Variants in PDPK1 observed in about 807,000 individuals in gnomAD.
PDPK1 encodes the protein 3-phosphoinositide-dependent protein kinase 1.
A neutral mutation model predicts 39.8 loss-of-function variants in PDPK1; 7 were observed. The observed-to-expected ratio is 0.18, with a 90% CI of 0.10 to 0.33. The LOEUF (loss-of-function observed/expected upper bound fraction) is 0.33. PDPK1 is among the 10% of genes least tolerant of loss of function. The pLI is 1.00. For missense variants in PDPK1, 182 were observed against 384.7 expected (o/e 0.47, Z 4.41); for synonymous variants, 118 against 159.1 (o/e 0.74, Z 1.95).
chr16:2,545,831 G>T (rs1260448531), intron 1 of PDPK1, among the ~76,000 whole-genome samples: 2 of 151,900 alleles, frequency 1.3e-5, no homozygotes, highest in African/African-American at 4.8e-5. Flanking sequence ...GTACAGATGG[G>T]GTCTCGCTTT....
At chr16:2,576,329 CT>C in intron 6 of PDPK1, 1 of 148,256 alleles carries the variant, frequency 6.7e-6, no homozygotes, top group South Asian at 2.1e-4. Context: ...GGTTGAATGG[CT>C]TCGTTTGTTT....
intron 11 of PDPK1, among the ~76,000 whole-genome samples, chr16:2,589,300 TCTTA>T (rs1211748835): frequency 5.0e-4 from 76 of 152,282 alleles, no homozygotes; most frequent in Non-Finnish European, 8.2e-4. Flanking sequence ...TCTACTGAGC[TCTTA>T]CTATCTCTTC....
At position 2,597,698 on chromosome 16, in the gene PDPK1, G is replaced by C; in HGVS notation, c.1602G>C (p.Lys534Asn). Residue 534 changes from lysine (K) to asparagine (N), a missense_variant, in exon 14 of 14, where the codon AAG becomes AAC. Lys to Asn is a moderately conservative substitution (Grantham distance 94). This residue lies in a region of PDPK1 where 67 missense variants were observed against 87.8 expected (regional missense o/e 0.76). Transcript: ENST00000342085. The surrounding 1 kb of genome is among the most constrained non-coding windows in gnomAD (Gnocchi z 6.3). ...YLMDPSGNAH[K>N]WCRKIQEVWR... ...TGGACCCCAGCGGGAACGCACACAA[G>C]TGGTGCAGGAAGATCCAGGAGGTTT... 1 of 1,613,862 alleles carries C rather than the reference G, an allele frequency of 6.2e-7. No homozygotes were observed. Among genetic ancestry groups the C allele is most frequent in the Non-Finnish European group, 8.5e-7 (1 of 1,179,934 alleles).
At chr16:2,578,285 C>T (rs1163224396) in intron 7 of PDPK1, 31 of 148,760 alleles carry the variant, frequency 2.1e-4, no homozygotes, top group Non-Finnish European at 3.7e-4. Flanking sequence ...ACAGCTGGGT[C>T]TTGGTGGCAG....
intron 1 of PDPK1, among the ~76,000 whole-genome samples, chr16:2,556,388 A>C (rs1331821846): frequency 7.9e-6 from 1 of 126,178 alleles, no homozygotes. Context: ...TTTTGAGACG[A>C]AATTTCACTC....
At position 2,597,831 on chromosome 16, in the gene PDPK1, A is replaced by G; in HGVS notation, c.*64A>G. 9.0e-7 allele frequency: 1 copy of G among 1,106,914 alleles called. No homozygotes were observed. Among genetic ancestry groups the G allele is most frequent in the Non-Finnish European group, 1.4e-6 (1 of 732,376 alleles). The allele number at this position is 1,106,914 out of a possible 1,614,324, so 68.6% of individuals were successfully genotyped here. On this transcript the variant is annotated 3_prime_UTR_variant, in exon 14 of 14. Coordinates refer to ENST00000342085, the MANE Select transcript of PDPK1 (RefSeq NM_002613.5). The surrounding 1 kb of genome is among the most constrained non-coding windows in gnomAD (Gnocchi z 6.3). Reference sequence around the variant, plus strand: ...CCTGCCCCAGCGCGGCTTGGCCGCCATCCGGGACGCTTCCAGACCACCTGC... The same window carrying G: ...CCTGCCCCAGCGCGGCTTGGCCGCCGTCCGGGACGCTTCCAGACCACCTGC...
rs1244308718 is a variant in PDPK1 at position 2,573,737 on chromosome 16, G to GA, written c.710-3674dup. 1.1e-3 allele frequency among the ~76,000 whole-genome samples: 119 copies of GA among 104,336 alleles called. 3 individuals carry two copies. The highest frequency in any genetic ancestry group is 4.1e-3 in the East Asian group (15 of 3,630). The allele number at this position is 104,336 out of a possible 152,430, so 68.4% of individuals were successfully genotyped here. A position where few individuals can be genotyped will look rare whatever the true frequency, so the allele number is the denominator to read the frequency against. The stretch of plus-strand genomic sequence containing the variant: ...ACAGAGCGAGACTTTGTCTCGGGAA[G>GA]AAAAAAAAAAAAAATAGAATTGTGA... On this transcript the variant is annotated intron_variant, in intron 6 of 13. Transcript: ENST00000342085.
rs900601956 is a variant in PDPK1 at position 2,597,384 on chromosome 16, C to A, written c.1554+109C>A. On this transcript the variant is annotated intron_variant, in intron 13 of 13. Transcript: ENST00000342085. The surrounding 1 kb of genome is among the most constrained non-coding windows in gnomAD (Gnocchi z 6.3). ...GAGGGAGCAGCGGGGATCGGGGCAG[C>A]TGCCTCGCCCTTTCCGACATCCCAG... 9.0e-5 allele frequency: 90 copies of A among 998,942 alleles called. No individual in the cohort carries two copies. Among genetic ancestry groups the A allele is most frequent in the Non-Finnish European group, 1.3e-4 (85 of 667,316 alleles). 61.9% of individuals were successfully genotyped at this position (998,942 alleles called of 1,614,324 possible). A position where few individuals can be genotyped will look rare whatever the true frequency, so the allele number is the denominator to read the frequency against.
chr16:2,542,414 C>T (rs2066261389), intron 1 of PDPK1, among the ~76,000 whole-genome samples: 1 of 152,228 alleles, frequency 6.6e-6, no homozygotes, highest in Non-Finnish European at 1.5e-5. Flanking sequence ...CCGCCTCGGC[C>T]TCCCAAAGTG....
At chr16:2,544,519 T>A (rs1481297735) in intron 1 of PDPK1, among the ~76,000 whole-genome samples, 1 of 152,234 alleles carries the variant, frequency 6.6e-6, no homozygotes, top group East Asian at 1.9e-4. Flanking sequence ...CCTAGCCTTT[T>A]CACCTGGATT....
At chr16:2,553,372 A>G (rs1051314633) in intron 1 of PDPK1, among the ~76,000 whole-genome samples, 2 of 133,234 alleles carry the variant, frequency 1.5e-5, no homozygotes, top group Non-Finnish European at 3.1e-5. Flanking sequence ...TTAAAAAGAG[A>G]CAAGGTTTTG....
intron 1 of PDPK1, among the ~76,000 whole-genome samples, chr16:2,546,037 A>C (rs2066338123): frequency 1.3e-5 from 2 of 152,170 alleles, no homozygotes; most frequent in Non-Finnish European, 2.9e-5. Flanking sequence ...GATTAGGTTC[A>C]GGCTAAGTAT....
chr16:2,601,121 C>G lies in PDPK1; in HGVS notation c.*3354C>G. The G allele has an allele frequency of 4.3e-6, 1 of 232,824 alleles. No individual in the cohort carries two copies. The highest frequency in any genetic ancestry group is 8.5e-6 in the Non-Finnish European group (1 of 117,930). The allele number at this position is 232,824 out of a possible 1,614,324, so 14.4% of individuals were successfully genotyped here. Reference sequence around the variant, plus strand: ...TCTTCTGATTTCTTACTTTTTTCCCCCTTAGATGCCTGGAAGTGGTATTTT... The same window carrying G: ...TCTTCTGATTTCTTACTTTTTTCCCGCTTAGATGCCTGGAAGTGGTATTTT... On this transcript the variant is annotated 3_prime_UTR_variant, in exon 14 of 14. Transcript: ENST00000342085.
Position 2,577,522 on chromosome 16 carries a change from G to A in PDPK1, c.785+22G>A, listed in dbSNP as rs199516574. 8.2e-3 allele frequency: 12,726 copies of A among 1,557,814 alleles called. 6 individuals carry two copies. The highest frequency in any genetic ancestry group is 9.1e-3 in the Middle Eastern group (54 of 5,926). ...AGAGGTAACCACTTTCATCTAAGCC[G>A]TGCTTCCCTTTTCTTTAACACAGAA... is the stretch of plus-strand genomic sequence containing the variant. On this transcript the variant is annotated intron_variant, in intron 7 of 13. Coordinates refer to ENST00000342085, the MANE Select transcript of PDPK1 (RefSeq NM_002613.5).
Position 2,600,154 on chromosome 16 carries a change from C to A in PDPK1, c.*2387C>A, listed in dbSNP as rs1184601157. On this transcript the variant is annotated 3_prime_UTR_variant, in exon 14 of 14. Transcript: ENST00000342085. ...CTCTACCACATCCTTAGAGCCATCA[C>A]CTGGCACGCAGGCGCCTTACATTCT... The A allele has an allele frequency of 2.6e-5, 6 of 233,288 alleles. No individual in the cohort carries two copies. The East Asian group carries it at 3.6e-4, about 14-fold the overall frequency. 14.5% of individuals were successfully genotyped at this position (233,288 alleles called of 1,614,324 possible).
rs1467338484 is a variant in PDPK1 at position 2,603,006 on chromosome 16, T to TACA, written c.*5242_*5244dup. 4.4e-6 allele frequency: 1 copy of TACA among 229,692 alleles called. No homozygotes were observed. Among genetic ancestry groups the TACA allele is most frequent in the African/African-American group, 2.2e-5 (1 of 45,146 alleles). The allele number at this position is 229,692 out of a possible 1,614,324, so 14.2% of individuals were successfully genotyped here. On this transcript the variant is annotated 3_prime_UTR_variant, in exon 14 of 14. Coordinates refer to ENST00000342085, the MANE Select transcript of PDPK1 (RefSeq NM_002613.5). Reference sequence around the variant, plus strand: ...TGAATAATTATTGTAAACTATATTTTACAACTTTTTTTCTGGCTTTATTAT... The same window carrying TACA: ...TGAATAATTATTGTAAACTATATTTTACAACAACTTTTTTTCTGGCTTTATTAT...
intron 10 of PDPK1, among the ~76,000 whole-genome samples, chr16:2,584,903 C>T (rs1326647572): frequency 1.3e-5 from 2 of 152,222 alleles, no homozygotes; most frequent in African/African-American, 2.4e-5. Context: ...ACCCTGTGTG[C>T]CACTCAGCTG....
intron 11 of PDPK1, chr16:2,592,912 G>C (rs978634239): frequency 8.8e-6 from 4 of 456,392 alleles, no homozygotes; most frequent in African/African-American, 8.0e-5. Flanking sequence ...TGGGGCCCTT[G>C]CCTGCCTCCC....
chr16:2,577,661 C>A (rs897289059), intron 7 of PDPK1, among the ~76,000 whole-genome samples, 161 bp downstream of exon 7: 3 of 149,032 alleles, frequency 2.0e-5, no homozygotes, highest in African/African-American at 7.7e-5. Flanking sequence ...ACACGTGATG[C>A]GTTAGTGTTG....
Sources: allele counts gnomAD v4.1 joint callset (sites outside exome capture counted in the v4.1 genomes callset), GRCh38; gene constraint gnomAD v4.1.1; regional missense constraint gnomAD v4.1.1; non-coding constraint Gnocchi (gnomAD v3.1); transcripts MANE v1.5; gene names NCBI Gene and HGNC (gene_info 2026-07-23, HGNC 2026-07-21).